Variants in MYT1L observed in about 807,000 individuals in gnomAD.
The protein encoded by MYT1L is myelin transcription factor 1 like.
In MYT1L, 12 loss-of-function variants were observed where a neutral mutation model predicts 126.7. The ratio of observed to expected loss-of-function variants is 0.09; its 90% CI spans 0.06 to 0.15. MYT1L has a LOEUF of 0.15. MYT1L is among the 10% of genes least tolerant of loss of function. The probability of loss-of-function intolerance (pLI) is 1.00; values close to 1 mark genes in which losing one functional copy is unlikely to be tolerated. For synonymous variants in MYT1L, 541 were observed against 604.2 expected (o/e 0.90, Z 1.53); for missense variants, 979 against 1,585.2 (o/e 0.62, Z 6.49).
rs2053018172 is a variant in MYT1L, at chr2:1,917,523, C to T, written c.1484-184G>A. 6.6e-6 allele frequency among the ~76,000 whole-genome samples: 1 copy of T among 152,128 alleles called. No homozygotes were observed. The highest frequency in any genetic ancestry group is 2.1e-4 in the South Asian group (1 of 4,828). On this transcript the variant is annotated intron_variant, in intron 10 of 24. Coordinates refer to ENST00000647738, the MANE Select transcript of MYT1L (RefSeq NM_001303052.2). The surrounding 1 kb of genome is among the most constrained non-coding windows in gnomAD (Gnocchi z 5.9). ...TTGGGTGACTTTTTTCAACCTTACA[C>T]AGTATAATCATGAATCATAAAGTAT...
At chr2:2,323,489 G>T (rs1284630258) in intron 1 of MYT1L, among the ~76,000 whole-genome samples, 1 of 152,064 alleles carries the variant, frequency 6.6e-6, no homozygotes, top group East Asian at 1.9e-4. Context: ...GGGAGAATAG[G>T]AATTATTAAA....
chr2:2,225,620 C>T (rs1484220770), intron 2 of MYT1L, among the ~76,000 whole-genome samples: 3 of 152,272 alleles, frequency 2.0e-5, no homozygotes, highest in East Asian at 3.9e-4. Context: ...GGCTGTCCCA[C>T]ACCAGCCTCT....
At chr2:2,085,120 CA>C (rs1297442417) in intron 3 of MYT1L, among the ~76,000 whole-genome samples, 2 of 151,920 alleles carry the variant, frequency 1.3e-5, no homozygotes, top group Admixed American at 1.3e-4. Context: ...CTCCTATCTG[CA>C]CAGTTTCTTT....
At chr2:1,891,925 A>T in intron 15 of MYT1L, 112 bp downstream of exon 15, 1 of 1,426,904 alleles carries the variant, frequency 7.0e-7, no homozygotes, top group Non-Finnish European at 9.1e-7. Context: ...TTAGGAGATC[A>T]CGGCGTTTGC....
At chr2:1,822,659 C>T (rs945540745) in intron 21 of MYT1L, among the ~76,000 whole-genome samples, 2 of 152,174 alleles carry the variant, frequency 1.3e-5, no homozygotes, top group Non-Finnish European at 2.9e-5. Context: ...TGGTAGCAAA[C>T]TCACCCTGAG....
intron 2 of MYT1L, among the ~76,000 whole-genome samples, chr2:2,218,104 T>C (rs1394611322): frequency 6.6e-6 from 1 of 152,150 alleles, no homozygotes; most frequent in Non-Finnish European, 1.5e-5. Flanking sequence ...ATAAGAGAGC[T>C]CATATACTGC....
intron 9 of MYT1L, among the ~76,000 whole-genome samples, chr2:1,942,061 A>T (rs1018187610): frequency 6.6e-6 from 1 of 152,200 alleles, no homozygotes; most frequent in Non-Finnish European, 1.5e-5. Flanking sequence ...TTTTGAGCCC[A>T]AGGGAGAGGG....
chr2:2,240,929 T>C (rs1225320918), intron 2 of MYT1L, among the ~76,000 whole-genome samples: 1 of 152,202 alleles, frequency 6.6e-6, no homozygotes. Context: ...AATAATGCCC[T>C]GATTTCCCTT....
At chr2:2,124,711 A>C (rs2081466298) in intron 3 of MYT1L, among the ~76,000 whole-genome samples, 1 of 152,228 alleles carries the variant, frequency 6.6e-6, no homozygotes, top group Non-Finnish European at 1.5e-5. Context: ...TACTATTTCC[A>C]TTATAAATGC....
At chr2:1,843,531 TTACCCAGGGAGAATTACGGAGTCC>T (rs1003536680) in intron 19 of MYT1L, among the ~76,000 whole-genome samples, 2 of 147,708 alleles carry the variant, frequency 1.4e-5, no homozygotes, top group East Asian at 2.0e-4. Flanking sequence ...TTAAAGTGTC[TTACCCAGGGAGAATTACGGAGTCC>T]TACCCAGGGA....
chr2:2,316,079 T>C (rs1213633235), intron 1 of MYT1L, among the ~76,000 whole-genome samples: 1 of 152,208 alleles, frequency 6.6e-6, no homozygotes, highest in East Asian at 1.9e-4. Flanking sequence ...TTGGTAATAG[T>C]GACCTGGAAA....
At chr2:2,068,596 A>G (rs2150208725) in intron 3 of MYT1L, among the ~76,000 whole-genome samples, 1 of 152,292 alleles carries the variant, frequency 6.6e-6, no homozygotes, top group South Asian at 2.1e-4. Context: ...ACATATTGCT[A>G]AACAATTCAC....
Position 2,156,525 on chromosome 2 carries a change from A to C in MYT1L, c.-304+16347T>G, listed in dbSNP as rs1388288393. On this transcript the variant is annotated intron_variant, in intron 3 of 24. Transcript: ENST00000647738. ...CTCAGCTTATTCCTTTCTCATAAGC[A>C]AATTTGAAAAAAGTCCAGTTTAAAA... Among the ~76,000 whole-genome samples, 3 of 152,270 alleles carry C rather than the reference A, an allele frequency of 2.0e-5. No homozygotes were observed. In the East Asian group the frequency reaches 5.8e-4, roughly 29 times the overall value.
chr2:1,923,283 G>A lies in MYT1L; in HGVS notation c.506-20C>T. 1.3e-6 allele frequency: 2 copies of A among 1,535,342 alleles called. No homozygotes were observed. Among genetic ancestry groups the A allele is most frequent in the African/African-American group, 1.4e-5 (1 of 72,082 alleles). On this transcript the variant is annotated intron_variant, in intron 9 of 24. Coordinates refer to ENST00000647738, the MANE Select transcript of MYT1L (RefSeq NM_001303052.2). ...GGTCTTCTGCAAAGAAAATAAAAAAGACAAAAAAGAAAAGAAAAGGAAAAA... is the reference window on the plus strand; with the variant it reads ...GGTCTTCTGCAAAGAAAATAAAAAAAACAAAAAAGAAAAGAAAAGGAAAAA...
At chr2:2,102,041 T>C (rs985505187) in intron 3 of MYT1L, among the ~76,000 whole-genome samples, 4 of 152,170 alleles carry the variant, frequency 2.6e-5, no homozygotes, top group Non-Finnish European at 5.9e-5. Context: ...CTGAATACAT[T>C]ATCTCAGAAA....
chr2:2,095,208 T>G (rs114558075), intron 3 of MYT1L, among the ~76,000 whole-genome samples: 4,489 of 152,234 alleles, frequency 0.029, 107 homozygotes, highest in Non-Finnish European at 0.044. Flanking sequence ...TTCCCGTTAG[T>G]CCCTGGGGAA....
intron 5 of MYT1L, among the ~76,000 whole-genome samples, chr2:1,990,018 A>C (rs986345882): frequency 1.3e-5 from 2 of 152,202 alleles, no homozygotes; most frequent in East Asian, 3.8e-4. Flanking sequence ...AAACAACAAC[A>C]AAAACCACTT....
chr2:1,919,631 A>G (rs1486872431), intron 10 of MYT1L, among the ~76,000 whole-genome samples: 1 of 152,258 alleles, frequency 6.6e-6, no homozygotes, highest in African/African-American at 2.4e-5. Flanking sequence ...AGAGTGTCTG[A>G]AAATAGAGCC....
chr2:1,908,226 G>T (rs2051372473), intron 13 of MYT1L, among the ~76,000 whole-genome samples: 1 of 152,252 alleles, frequency 6.6e-6, no homozygotes, highest in African/African-American at 2.4e-5. Context: ...AAGGCTTCAG[G>T]CCGGAACATC....
Sources: gnomAD v4.1 joint callset for allele counts (sites outside exome capture counted in the v4.1 genomes callset) on GRCh38, gnomAD v4.1.1 for gene constraint, Gnocchi (gnomAD v3.1) non-coding constraint, MANE v1.5 for transcripts, NCBI Gene and HGNC (gene_info 2026-07-23, HGNC 2026-07-21) for gene names.